Variants in WDPCP observed in about 807,000 individuals in gnomAD.
The protein encoded by WDPCP is WD repeat containing planar cell polarity effector, also known as WD repeat-containing and planar cell polarity effector protein fritz homolog.
In WDPCP, 71 loss-of-function variants were observed where a neutral mutation model predicts 93.1. The ratio of observed to expected loss-of-function variants is 0.76; its 90% CI spans 0.63 to 0.93. The LOEUF (loss-of-function observed/expected upper bound fraction) is 0.93, where lower values mean the gene tolerates loss of function less well. Ranked by LOEUF, WDPCP falls within the 40% of genes least tolerant of loss-of-function variation. The probability of loss-of-function intolerance (pLI) is 0.00; values close to 1 mark genes in which losing one functional copy is unlikely to be tolerated. For synonymous variants in WDPCP, 315 were observed against 315.0 expected (o/e 1.00, Z 0.00); for missense variants, 844 against 887.4 (o/e 0.95, Z 0.62).
At chr2:63,457,100 G>A (rs1428243898) in intron 6 of WDPCP, among the ~76,000 whole-genome samples, 1 of 151,936 alleles carries the variant, frequency 6.6e-6, no homozygotes, top group African/African-American at 2.4e-5. Context: ...GAATAACCAA[G>A]AACAAAAGAG....
chr2:63,449,551 T>A (rs1315029846), intron 6 of WDPCP, among the ~76,000 whole-genome samples: 2 of 152,082 alleles, frequency 1.3e-5, no homozygotes, highest in Non-Finnish European at 2.9e-5. Flanking sequence ...AGGGGCTTGG[T>A]AATGCCAGGA....
intron 1 of WDPCP, among the ~76,000 whole-genome samples, chr2:63,586,004 A>G (rs112293948): frequency 6.6e-6 from 1 of 151,920 alleles, no homozygotes; most frequent in Non-Finnish European, 1.5e-5. Context: ...TTTTTTAAAA[A>G]TTTTTTGTAG....
chr2:63,217,501 TG>T (rs1677454473), intron 14 of WDPCP, among the ~76,000 whole-genome samples: 1 of 152,236 alleles, frequency 6.6e-6, no homozygotes, highest in Non-Finnish European at 1.5e-5. Flanking sequence ...TCTAACAGAG[TG>T]ATCAAAGAAA....
intron 3 of WDPCP, chr2:63,595,354 G>A (rs1709287304): frequency 1.0e-6 from 1 of 965,788 alleles, no homozygotes; most frequent in African/African-American, 1.6e-5. Flanking sequence ...TAAAAACTAT[G>A]TGAAAAGACT....
chr2:63,644,965 T>C (rs1384563430), intron 3 of WDPCP, among the ~76,000 whole-genome samples: 1 of 152,152 alleles, frequency 6.6e-6, no homozygotes, highest in Non-Finnish European at 1.5e-5. Flanking sequence ...TTTCCTTCCA[T>C]TAATCATTTG....
At chr2:63,505,375 A>G (rs10865338) in intron 1 of WDPCP, among the ~76,000 whole-genome samples, 122,241 of 151,898 alleles carry the variant, frequency 0.8, 49,869 homozygotes, top group East Asian at 0.98. Flanking sequence ...CCCTGAGAAG[A>G]GATCAATTTC....
At chr2:63,213,750 C>CA in intron 14 of WDPCP, among the ~76,000 whole-genome samples, 1 of 151,500 alleles carries the variant, frequency 6.6e-6, no homozygotes, top group East Asian at 1.9e-4. Context: ...GAAGAAAAGA[C>CA]GAAGAATTAA....
chr2:63,477,705 CGTGAGTGCCCGAAGT>C (rs1169277960), intron 6 of WDPCP: 1 of 152,300 alleles, frequency 6.6e-6, no homozygotes, highest in Non-Finnish European at 1.5e-5. Flanking sequence ...GCCCCAAAAC[CGTGAGTGCCCGAAGT>C]GTGAAAGTGG....
At chr2:63,388,739 C>A (rs1360496398) in intron 10 of WDPCP, among the ~76,000 whole-genome samples, 3 of 152,126 alleles carry the variant, frequency 2.0e-5, no homozygotes, top group Non-Finnish European at 4.4e-5. Flanking sequence ...GGCACGAGAA[C>A]TTTGTGATGC....
At chr2:63,447,745 T>C (rs1055757607) in intron 6 of WDPCP, among the ~76,000 whole-genome samples, 4 of 152,106 alleles carry the variant, frequency 2.6e-5, no homozygotes, top group African/African-American at 4.8e-5. Context: ...GGGAGGTAGA[T>C]ATAGATCATT....
chr2:63,686,413 A>G (rs574087471), intron 2 of WDPCP, among the ~76,000 whole-genome samples: 1 of 152,350 alleles, frequency 6.6e-6, no homozygotes, highest in Non-Finnish European at 1.5e-5. Context: ...AATGAACGCT[A>G]TAAAACACTG....
intron 9 of WDPCP, among the ~76,000 whole-genome samples, chr2:63,406,472 C>T (rs1694595662): frequency 6.6e-6 from 1 of 152,152 alleles, no homozygotes; most frequent in African/African-American, 2.4e-5. Flanking sequence ...GGGGCATACA[C>T]TTGTAAAGGA....
chr2:63,772,402 T>C (rs1277104219), intron 2 of WDPCP, among the ~76,000 whole-genome samples: 1 of 151,996 alleles, frequency 6.6e-6, no homozygotes, highest in Non-Finnish European at 1.5e-5. Flanking sequence ...GAATTATTCC[T>C]TATAGATTCT....
chr2:63,376,284 C>T (rs1691846323), intron 12 of WDPCP, among the ~76,000 whole-genome samples: 1 of 151,708 alleles, frequency 6.6e-6, no homozygotes, highest in Non-Finnish European at 1.5e-5. Context: ...AGCTAGTATG[C>T]CCCAAGGGAA....
chr2:63,430,978 G>A (rs1028943863), intron 9 of WDPCP, among the ~76,000 whole-genome samples: 3 of 152,120 alleles, frequency 2.0e-5, no homozygotes, highest in Non-Finnish European at 2.9e-5. Flanking sequence ...TTTCTCCTCT[G>A]AAAATCACAT....
At chr2:63,527,811 G>C (rs1214739339) in intron 1 of WDPCP, among the ~76,000 whole-genome samples, 1 of 152,048 alleles carries the variant, frequency 6.6e-6, no homozygotes, top group Non-Finnish European at 1.5e-5. Flanking sequence ...TTCCACAGTG[G>C]TTGAACTAGT....
intron 3 of WDPCP, chr2:63,597,674 G>A: frequency 9.2e-7 from 1 of 1,086,196 alleles, no homozygotes; most frequent in Non-Finnish European, 1.2e-6. Flanking sequence ...CTTTTTTCTA[G>A]TTCTGTACAA....
chr2:63,288,338 C>T (rs1684161151), intron 13 of WDPCP, among the ~76,000 whole-genome samples: 1 of 152,118 alleles, frequency 6.6e-6, no homozygotes, highest in Non-Finnish European at 1.5e-5. Context: ...TTTTATGGCA[C>T]AGTAATAATG....
chr2:63,443,319 G>T (rs1697630561), intron 6 of WDPCP: 1 of 152,116 alleles, frequency 6.6e-6, no homozygotes. Context: ...ATTTAGGAGG[G>T]TGCTACTTTA....
Sources: allele counts gnomAD v4.1 joint callset (sites outside exome capture counted in the v4.1 genomes callset), GRCh38; gene constraint gnomAD v4.1.1; transcripts MANE v1.5; gene names NCBI Gene and HGNC (gene_info 2026-07-23, HGNC 2026-07-21).